The following KLF8 variants were observed in gnomAD, a reference collection of about 807,000 sequenced individuals.
The protein encoded by KLF8 is Krueppel-like factor 8.
A neutral mutation model predicts 18.2 loss-of-function variants in KLF8; 10 were observed. That is an observed-to-expected ratio of 0.55 (90% CI 0.34 to 0.93). KLF8 has a LOEUF of 0.93. KLF8 is among the 40% of genes least tolerant of loss of function. KLF8 has a pLI of 0.02. For synonymous variants in KLF8, 109 were observed against 97.3 expected (o/e 1.12, Z -0.71); for missense variants, 264 against 277.9 (o/e 0.95, Z 0.36).
the KLF8 span, among the ~76,000 whole-genome samples, chrX:56,141,512 GCCA>G: frequency 6.3e-5 from 7 of 110,635 alleles, no homozygotes; most frequent in South Asian, 2.7e-3. Flanking sequence ...AATTTTATAT[GCCA>G]CCACATTTAT....
the KLF8 span, among the ~76,000 whole-genome samples, chrX:56,184,922 G>GA: frequency 3.6e-5 from 4 of 112,008 alleles, no homozygotes; most frequent in African/African-American, 6.5e-5. Flanking sequence ...CAAAGATGGG[G>GA]AAAAAACAGA....
At chrX:56,155,885 T>C in the KLF8 span, among the ~76,000 whole-genome samples, 1 of 111,716 alleles carries the variant, frequency 9.0e-6, no homozygotes, top group Non-Finnish European at 1.9e-5. Context: ...ACTTAGGTCC[T>C]ACTTATAAGT....
chrX:56,054,869 T>C, the KLF8 span, among the ~76,000 whole-genome samples: 3 of 112,250 alleles, frequency 2.7e-5, no homozygotes, highest in African/African-American at 9.7e-5. Context: ...TGTTATTGGT[T>C]TAAAATTTGT....
At chrX:56,256,025 T>A (rs1346495220) in intron 2 of KLF8, among the ~76,000 whole-genome samples, 2 of 111,763 alleles carry the variant, frequency 1.8e-5, no homozygotes, top group Non-Finnish European at 3.8e-5. Context: ...GGCTTTTCTT[T>A]ACTAGGAGAC....
At chrX:56,098,404 T>G in the KLF8 span, among the ~76,000 whole-genome samples, 1 of 112,182 alleles carries the variant, frequency 8.9e-6, no homozygotes, top group Non-Finnish European at 1.9e-5. Flanking sequence ...GAGGTTTATC[T>G]CTGGGAATCA....
chrX:55,992,047 G>T, the KLF8 span, among the ~76,000 whole-genome samples: 5 of 112,303 alleles, frequency 4.5e-5, no homozygotes, highest in African/African-American at 1.3e-4. Context: ...CTTCTGTTGT[G>T]TAGTTGGTCT....
the KLF8 span, among the ~76,000 whole-genome samples, chrX:56,079,655 G>C: frequency 3.6e-5 from 4 of 111,546 alleles, no homozygotes; most frequent in African/African-American, 1.3e-4. Flanking sequence ...ATGTCTATTA[G>C]GTCCACTTGG....
the KLF8 span, among the ~76,000 whole-genome samples, chrX:56,053,743 A>T: frequency 4.6e-5 from 5 of 109,316 alleles, no homozygotes; most frequent in East Asian, 8.6e-4. Flanking sequence ...GGGAGGGTGT[A>T]TGTGTCCAGG....
the KLF8 span, among the ~76,000 whole-genome samples, chrX:55,936,785 C>A: frequency 9.1e-6 from 1 of 110,165 alleles, no homozygotes; most frequent in South Asian, 3.9e-4. Flanking sequence ...TTTGTTAGCA[C>A]AGGGGTCTGA....
chrX:56,080,481 T>G, the KLF8 span, among the ~76,000 whole-genome samples: 4 of 111,058 alleles, frequency 3.6e-5, no homozygotes, highest in African/African-American at 1.3e-4. Context: ...TTGGCCCCCA[T>G]TCTCTTCTGG....
chrX:56,095,491 C>CA, the KLF8 span, among the ~76,000 whole-genome samples: 9,950 of 107,033 alleles, frequency 0.093, 846 homozygotes, highest in African/African-American at 0.27. Context: ...TTCTGCACAG[C>CA]AAAAAAAAAG....
At chrX:56,258,555 G>A (rs901029686) in intron 2 of KLF8, among the ~76,000 whole-genome samples, 14 of 112,251 alleles carry the variant, frequency 1.2e-4, no homozygotes, top group Non-Finnish European at 1.7e-4. Flanking sequence ...GATTACAGGC[G>A]TGAGCCACCG....
the KLF8 span, among the ~76,000 whole-genome samples, chrX:56,151,029 G>A: frequency 9.0e-6 from 1 of 111,269 alleles, no homozygotes; most frequent in Admixed American, 9.7e-5. Context: ...GAAAAAAAGG[G>A]AACATCATAG....
intron 1 of KLF8, among the ~76,000 whole-genome samples, chrX:56,234,240 T>G (rs2066444261): frequency 8.9e-6 from 1 of 111,991 alleles, no homozygotes; most frequent in Non-Finnish European, 1.9e-5. Flanking sequence ...AATCTTTAAA[T>G]TTGGATTTGA....
In KLF8 at chrX:56,287,068, C is replaced by G. The variant is rs1029394332; in HGVS notation, c.*2574C>G. On this transcript the variant is annotated 3_prime_UTR_variant, in exon 6 of 6. Transcript: ENST00000468660. ...AATCTTTTGCATTGAGACATATGAT[C>G]TATTTATAAATAAAGGTTATCAAAT... 5 of 111,649 alleles carry G rather than the reference C, an allele frequency of 4.5e-5. No homozygotes were observed. The highest frequency in any genetic ancestry group is 7.5e-5 in the Non-Finnish European group (4 of 53,097). 9.2% of individuals were successfully genotyped at this position (111,649 alleles called of 1,213,427 possible). A position where few individuals can be genotyped will look rare whatever the true frequency, so the allele number is the denominator to read the frequency against.
the KLF8 span, among the ~76,000 whole-genome samples, chrX:56,185,677 C>T: frequency 3.6e-5 from 4 of 111,936 alleles, no homozygotes; most frequent in Non-Finnish European, 5.6e-5. Flanking sequence ...GCGAATCTCT[C>T]GGCAGAAACT....
At chrX:56,208,717 T>A in the KLF8 span, among the ~76,000 whole-genome samples, 1 of 111,917 alleles carries the variant, frequency 8.9e-6, no homozygotes, top group East Asian at 2.8e-4. Flanking sequence ...TTTCATTGAT[T>A]CACTGATCAT....
At chrX:56,086,695 AAGTAGT>A in the KLF8 span, among the ~76,000 whole-genome samples, 1 of 110,441 alleles carries the variant, frequency 9.1e-6, no homozygotes, top group South Asian at 3.8e-4. Context: ...TGGTTAGTAG[AAGTAGT>A]AGTAGTAGTA....
Position 56,244,397 on chromosome X carries a change from AG to A in KLF8, c.8-5832del, listed in dbSNP as rs763514072. The stretch of plus-strand genomic sequence containing the variant: ...GAGATGGGGTCTCACTATGTTGCCC[AG>A]GCTATTCTCAAACTCCTGAGCTCAA... On this transcript the variant is annotated intron_variant, in intron 1 of 5. Coordinates refer to ENST00000468660, the MANE Select transcript of KLF8 (RefSeq NM_007250.5). 7.2e-5 allele frequency among the ~76,000 whole-genome samples: 8 copies of A among 110,661 alleles called. No individual in the cohort carries two copies. In the South Asian group the frequency reaches 2.7e-3, roughly 38 times the overall value.
Sources: gnomAD v4.1 joint callset for allele counts (sites outside exome capture counted in the v4.1 genomes callset) on GRCh38, gnomAD v4.1.1 for gene constraint, MANE v1.5 for transcripts, NCBI Gene and HGNC (gene_info 2026-07-23, HGNC 2026-07-21) for gene names.